ENKUR: variants seen among roughly 807,000 people sequenced by gnomAD.
The protein encoded by ENKUR is enkurin, TRPC channel interacting protein.
In ENKUR, 19 loss-of-function variants were observed where a neutral mutation model predicts 27.6. The observed-to-expected ratio is 0.69, with a 90% CI of 0.48 to 1.01. The LOEUF is 1.01. Among genes scored for constraint, ENKUR ranks in the 50% least tolerant of loss-of-function variants. The probability of loss-of-function intolerance (pLI) is 0.00; values close to 1 mark genes in which losing one functional copy is unlikely to be tolerated. For synonymous variants in ENKUR, 117 were observed against 96.9 expected (o/e 1.21, Z -1.22); for missense variants, 312 against 310.5 (o/e 1.00, Z -0.04).
intron 1 of ENKUR, among the ~76,000 whole-genome samples, chr10:25,006,261 G>C (rs1261784365): frequency 6.6e-6 from 1 of 152,102 alleles, no homozygotes; most frequent in Non-Finnish European, 1.5e-5. Context: ...GAGGGCAACA[G>C]TAGACTTATG....
intron 2 of ENKUR, among the ~76,000 whole-genome samples, chr10:25,049,119 G>A (rs1306054682): frequency 1.3e-5 from 2 of 152,172 alleles, no homozygotes; most frequent in African/African-American, 2.4e-5. Context: ...CTTTTCATCT[G>A]TAAACTGAAG....
intron 3 of ENKUR, among the ~76,000 whole-genome samples, chr10:24,994,676 C>T (rs1310001508): frequency 2.0e-5 from 3 of 152,056 alleles, no homozygotes; most frequent in Non-Finnish European, 4.4e-5. Flanking sequence ...TTTATAAGTG[C>T]GCAAAATAAA....
At chr10:25,054,862 G>C (rs1306819115) in intron 2 of ENKUR, among the ~76,000 whole-genome samples, 1 of 151,886 alleles carries the variant, frequency 6.6e-6, no homozygotes, top group African/African-American at 2.4e-5. Flanking sequence ...TTTTTGTAGA[G>C]ACAGGGTCTT....
At chr10:25,004,693 A>T (rs1044836212) in intron 1 of ENKUR, among the ~76,000 whole-genome samples, 15 of 151,952 alleles carry the variant, frequency 9.9e-5, no homozygotes, top group African/African-American at 1.7e-4. Flanking sequence ...GTTTGCAAAA[A>T]TTTTCTCCCA....
chr10:25,022,280 GT>G (rs1850736712), intron 2 of ENKUR, among the ~76,000 whole-genome samples: 1 of 152,110 alleles, frequency 6.6e-6, no homozygotes, highest in Non-Finnish European at 1.5e-5. Context: ...CAGAATAATT[GT>G]TGTCTCTCAT....
intron 2 of ENKUR, among the ~76,000 whole-genome samples, chr10:25,027,357 C>CAAAAAAAAAAAAA (rs71399946): frequency 2.1e-5 from 1 of 48,492 alleles, no homozygotes; most frequent in Admixed American, 2.7e-4. Context: ...ACTCCCGTCT[C>CAAAAAAAAAAAAA]AAAAAAAAAA....
intron 1 of ENKUR, among the ~76,000 whole-genome samples, chr10:25,007,581 C>T (rs1341071843): frequency 6.6e-6 from 1 of 152,074 alleles, no homozygotes; most frequent in Non-Finnish European, 1.5e-5. Flanking sequence ...ACTACAGGCG[C>T]CCGCCACCAC....
intron 2 of ENKUR, among the ~76,000 whole-genome samples, chr10:24,997,845 G>A (rs1251701067): frequency 6.8e-6 from 1 of 146,720 alleles, no homozygotes; most frequent in African/African-American, 2.7e-5. Flanking sequence ...TATATCATAT[G>A]TTTAACCCTA....
intron 2 of ENKUR, among the ~76,000 whole-genome samples, chr10:25,051,974 A>G (rs1481213531): frequency 6.6e-6 from 1 of 152,238 alleles, no homozygotes; most frequent in Admixed American, 6.5e-5. Flanking sequence ...ATACATTTAT[A>G]AAATAATGTT....
chr10:25,015,912 A>C lies in ENKUR; in HGVS notation c.25T>G (p.Cys9Gly). 6.2e-7 allele frequency: 1 copy of C among 1,608,250 alleles called. No homozygotes were observed. The highest frequency in any genetic ancestry group is 8.5e-7 in the Non-Finnish European group (1 of 1,177,152). Reference protein sequence around the residue: MDPTCSSECIYNLIPSDLK... With the variant: MDPTCSSEGIYNLIPSDLK... ...TCACTGGGTATGAGGTTATAAATGCACTCAGAAGAGCACGTTGGATCCATG... is the reference window on the plus strand; with the variant it reads ...TCACTGGGTATGAGGTTATAAATGCCCTCAGAAGAGCACGTTGGATCCATG... The change falls in exon 1 of 6, where the codon TGC becomes GGC. Residue 9 changes from cysteine (C) to glycine (G), a missense_variant. Coordinates refer to ENST00000331161, the MANE Select transcript of ENKUR (RefSeq NM_145010.4).
At chr10:25,017,509 A>G (rs1297712733), upstream of ENKUR, among the ~76,000 whole-genome samples, 2 of 152,026 alleles carry the variant, frequency 1.3e-5, no homozygotes, top group African/African-American at 4.8e-5. Context: ...TTAAAACAAC[A>G]CAATGGCCTG....
intron 2 of ENKUR, among the ~76,000 whole-genome samples, chr10:25,040,669 C>T (rs956134481): frequency 1.3e-5 from 2 of 152,118 alleles, no homozygotes; most frequent in Admixed American, 6.5e-5. Flanking sequence ...AGCGCCTGGC[C>T]CTAAATGGGC....
chr10:25,043,128 G>A (rs2220707), intron 2 of ENKUR, among the ~76,000 whole-genome samples: 38,439 of 151,882 alleles, frequency 0.25, 6,040 homozygotes, highest in East Asian at 0.48. Flanking sequence ...ATGAAATATG[G>A]AGAAAAGGAA....
chr10:25,051,025 G>A (rs897825194), intron 2 of ENKUR, among the ~76,000 whole-genome samples: 1 of 152,180 alleles, frequency 6.6e-6, no homozygotes, highest in Non-Finnish European at 1.5e-5. Flanking sequence ...TCCCGTGCAT[G>A]CCTTATAGGT....
At position 25,015,980 on chromosome 10, in the gene ENKUR, T is replaced by C. The variant is rs878890903; in HGVS notation, c.-44A>G. ...TAAAAGCTACTCTCCACAACTTTTT[T>C]CTCCCTGTCCCAGTATCTCCGTCCC... is the stretch of plus-strand genomic sequence containing the variant. On this transcript the variant is annotated 5_prime_UTR_variant, in exon 1 of 6. Transcript: ENST00000331161. 1 of 1,586,362 alleles carries C rather than the reference T, an allele frequency of 6.3e-7. No individual in the cohort carries two copies. The highest frequency in any genetic ancestry group is 8.6e-7 in the Non-Finnish European group (1 of 1,167,648).
At chr10:25,009,620 A>G (rs548346669) in intron 1 of ENKUR, among the ~76,000 whole-genome samples, 17 of 152,198 alleles carry the variant, frequency 1.1e-4, no homozygotes, top group Non-Finnish European at 2.2e-4. Context: ...GCCATGTGAT[A>G]TGGTTTTGCT....
intron 1 of ENKUR, among the ~76,000 whole-genome samples, chr10:25,010,063 G>A (rs1389277264): frequency 6.6e-6 from 1 of 152,176 alleles, no homozygotes; most frequent in Non-Finnish European, 1.5e-5. Flanking sequence ...GCAGAGGTTG[G>A]AACAGTTTGG....
At chr10:24,995,938 T>C (rs1415239401) in intron 2 of ENKUR, 69 bp from the exon 3 acceptor site, 39 of 1,251,608 alleles carry the variant, frequency 3.1e-5, no homozygotes, top group Non-Finnish European at 4.0e-5. Flanking sequence ...ATTTATAATA[T>C]CCAGATATTT....
At chr10:25,038,080 C>T (rs780154395) in intron 2 of ENKUR, among the ~76,000 whole-genome samples, 4 of 152,190 alleles carry the variant, frequency 2.6e-5, no homozygotes, top group African/African-American at 7.2e-5. Context: ...AAATTACATA[C>T]TATAATACGA....
Sources: gnomAD v4.1 joint callset for allele counts (sites outside exome capture counted in the v4.1 genomes callset) on GRCh38, gnomAD v4.1.1 for gene constraint, MANE v1.5 for transcripts, NCBI Gene and HGNC (gene_info 2026-07-23, HGNC 2026-07-21) for gene names.